Variants in SNTG2 observed in about 807,000 individuals in gnomAD.
SNTG2 encodes syntrophin gamma 2.
SNTG2 carries 74 observed loss-of-function variants against 70.9 expected under a neutral mutation model. The observed-to-expected ratio is 1.04, with a 90% CI of 0.86 to 1.27. The LOEUF (loss-of-function observed/expected upper bound fraction) is 1.27. Among genes scored for constraint, SNTG2 ranks in the 50% most tolerant of loss-of-function variants. The pLI is 0.00. For missense variants in SNTG2, 717 were observed against 690.7 expected (o/e 1.04, Z -0.43); for synonymous variants, 278 against 273.8 (o/e 1.02, Z -0.15).
intron 4 of SNTG2, among the ~76,000 whole-genome samples, chr2:1,125,449 ATGCATTTG>A (rs1168996879): frequency 6.6e-6 from 1 of 151,810 alleles, no homozygotes; most frequent in Admixed American, 6.6e-5. Flanking sequence ...CAAAGCACCC[ATGCATTTG>A]TGCATATTTT....
intron 14 of SNTG2, among the ~76,000 whole-genome samples, chr2:1,302,764 C>G (rs1296577551): frequency 6.6e-6 from 1 of 151,872 alleles, no homozygotes; most frequent in Non-Finnish European, 1.5e-5. Context: ...CAAAGGTAAC[C>G]ATGTAGATGG....
chr2:1,068,318 T>C (rs1663291306), intron 1 of SNTG2: 1 of 152,134 alleles, frequency 6.6e-6, no homozygotes, highest in African/African-American at 2.4e-5. Context: ...GAATAAAATA[T>C]TCCTCGGATC....
intron 9 of SNTG2, among the ~76,000 whole-genome samples, chr2:1,209,772 T>C (rs28631259): frequency 0.18 from 26,695 of 152,252 alleles, 4,574 homozygotes; most frequent in African/African-American, 0.45. Context: ...CTTGGCTAAT[T>C]GTGCTATTTA....
intron 15 of SNTG2, among the ~76,000 whole-genome samples, chr2:1,315,699 C>T (rs180709283): frequency 7.9e-5 from 12 of 151,992 alleles, no homozygotes; most frequent in African/African-American, 2.4e-4. Context: ...TATTAAAAGG[C>T]GATATTTTTA....
chr2:1,007,627 C>T (rs935674209), intron 1 of SNTG2, among the ~76,000 whole-genome samples: 78 of 150,982 alleles, frequency 5.2e-4, no homozygotes, highest in African/African-American at 1.8e-3. Flanking sequence ...TTCTCTTAAA[C>T]GATTTCCTAA....
intron 1 of SNTG2, among the ~76,000 whole-genome samples, chr2:1,062,582 T>C (rs560384785): frequency 6.6e-5 from 10 of 152,318 alleles, no homozygotes; most frequent in Non-Finnish European, 1.5e-4. Flanking sequence ...CTCCAAAGTG[T>C]AACAGAATTA....
chr2:1,237,607 C>G (rs1346527150), intron 9 of SNTG2, among the ~76,000 whole-genome samples: 2 of 152,238 alleles, frequency 1.3e-5, no homozygotes, highest in Non-Finnish European at 2.9e-5. Flanking sequence ...AAGAATCCTG[C>G]AGACAATAAC....
chr2:1,330,969 G>A (rs1659495837), intron 16 of SNTG2, among the ~76,000 whole-genome samples: 1 of 152,174 alleles, frequency 6.6e-6, no homozygotes, highest in African/African-American at 2.4e-5. Context: ...GTTGTGACTT[G>A]TCCTCTGGGT....
chr2:1,027,312 C>T (rs1660533923), intron 1 of SNTG2, among the ~76,000 whole-genome samples: 1 of 151,600 alleles, frequency 6.6e-6, no homozygotes, highest in South Asian at 2.1e-4. Flanking sequence ...GTAACTCATG[C>T]ATCTCTGTTG....
intron 4 of SNTG2, among the ~76,000 whole-genome samples, chr2:1,116,093 C>A (rs150562362): frequency 0.014 from 2,189 of 152,260 alleles, 60 homozygotes; most frequent in African/African-American, 0.049. Flanking sequence ...TACGTTTGTG[C>A]AGTTCACGTA....
At chr2:986,880 A>G (rs1661341116) in intron 1 of SNTG2, among the ~76,000 whole-genome samples, 1 of 152,266 alleles carries the variant, frequency 6.6e-6, no homozygotes, top group Admixed American at 6.5e-5. Context: ...ACTACGGGCT[A>G]AATTTTATAG....
At chr2:982,504 T>G (rs1411797893) in intron 1 of SNTG2, among the ~76,000 whole-genome samples, 1 of 152,186 alleles carries the variant, frequency 6.6e-6, no homozygotes, top group African/African-American at 2.4e-5. Context: ...TTTTTTGTGT[T>G]CCTGTTCCCT....
In SNTG2 at chr2:1,358,632, T is replaced by C. The variant is rs532894188; in HGVS notation, c.1489-8711T>C. The stretch of plus-strand genomic sequence containing the variant: ...CCATTCGTTCCCCAAGAGTGTGTTG[T>C]TTAATTTCCACATTTTTGTGCTTTT... On this transcript the variant is annotated intron_variant, in intron 16 of 16. Transcript: ENST00000308624. 2.0e-5 allele frequency among the ~76,000 whole-genome samples: 3 copies of C among 152,270 alleles called. No homozygotes were observed. In the East Asian group the frequency reaches 5.8e-4, roughly 29 times the overall value.
At chr2:1,305,066 G>A (rs1680616846) in intron 14 of SNTG2, among the ~76,000 whole-genome samples, 1 of 151,922 alleles carries the variant, frequency 6.6e-6, no homozygotes, top group East Asian at 1.9e-4. Context: ...CCAGAGCTGT[G>A]GTCTACAGTT....
At chr2:1,300,780 ATGAACT>A (rs1680427114) in intron 14 of SNTG2, among the ~76,000 whole-genome samples, 1 of 152,150 alleles carries the variant, frequency 6.6e-6, no homozygotes, top group Admixed American at 6.5e-5. Flanking sequence ...ATATTTGAAA[ATGAACT>A]TGAGTGTGCT....
At chr2:1,095,581 A>C (rs937399231) in intron 2 of SNTG2, among the ~76,000 whole-genome samples, 1 of 152,010 alleles carries the variant, frequency 6.6e-6, no homozygotes, top group African/African-American at 2.4e-5. Context: ...CAGTTTCTTG[A>C]TATTTTCTTT....
At chr2:988,011 C>T (rs1661381665) in intron 1 of SNTG2, among the ~76,000 whole-genome samples, 1 of 152,254 alleles carries the variant, frequency 6.6e-6, no homozygotes, top group South Asian at 2.1e-4. Flanking sequence ...TCAGCCTCGC[C>T]CTGCTCGCCA....
intron 1 of SNTG2, among the ~76,000 whole-genome samples, chr2:965,474 A>G (rs1660522886): frequency 6.9e-6 from 1 of 144,676 alleles, no homozygotes; most frequent in Non-Finnish European, 1.5e-5. Flanking sequence ...CTCCTCCTTG[A>G]CTTGGTCCTC....
chr2:968,155 T>C (rs866478110), intron 1 of SNTG2, among the ~76,000 whole-genome samples: 22 of 152,166 alleles, frequency 1.4e-4, no homozygotes, highest in African/African-American at 4.8e-4. Context: ...TTTTTTTAAC[T>C]ATAAATTCAG....
Sources: gnomAD v4.1 joint callset for allele counts (sites outside exome capture counted in the v4.1 genomes callset) on GRCh38, gnomAD v4.1.1 for gene constraint, MANE v1.5 for transcripts, NCBI Gene and HGNC (gene_info 2026-07-23, HGNC 2026-07-21) for gene names.